INVS: variants seen among roughly 807,000 people sequenced by gnomAD.
INVS encodes the protein inversin, also known as inversion of embryo turning homolog.
In INVS, 86 loss-of-function variants were observed where a neutral mutation model predicts 108.8. That is an observed-to-expected ratio of 0.79 (90% confidence interval 0.66 to 0.95). INVS has a LOEUF of 0.95. Among genes scored for constraint, INVS ranks in the 40% least tolerant of loss-of-function variants. The pLI is 0.00. For missense variants in INVS, 1,169 were observed against 1,297.4 expected (o/e 0.90, Z 1.52); for synonymous variants, 455 against 473.5 (o/e 0.96, Z 0.51).
At position 100,226,172 on chromosome 9, in the gene INVS, G is replaced by A; in HGVS notation, c.384G>A (p.Lys128=). The change falls in exon 4 of 17, where the codon AAG becomes AAA. Residue 128 remains lysine, a synonymous_variant. Coordinates refer to ENST00000262457, the MANE Select transcript of INVS (RefSeq NM_014425.5). Reference sequence around the variant, plus strand: ...TGACCACCCGGCACAGGAGCCCTAAGTGTTTGGCACTTCTGCTGAAGTTTA... The same window carrying A: ...TGACCACCCGGCACAGGAGCCCTAAATGTTTGGCACTTCTGCTGAAGTTTA... ...LHLTTRHRSP[K]CLALLLKFMA... 1 of 1,614,072 alleles carries A rather than the reference G, an allele frequency of 6.2e-7. No homozygotes were observed. The highest frequency in any genetic ancestry group is 8.5e-7 in the Non-Finnish European group (1 of 1,179,994).
intron 5 of INVS, among the ~76,000 whole-genome samples, chr9:100,238,503 ATAGCTGT>A (rs1436526147): frequency 1.3e-5 from 2 of 152,170 alleles, no homozygotes; most frequent in African/African-American, 4.8e-5. Context: ...CCAAACATAT[ATAGCTGT>A]TATCTTTAAA....
intron 5 of INVS, among the ~76,000 whole-genome samples, chr9:100,235,203 TCTTTCCATTTG>T (rs1445121217): frequency 6.6e-6 from 1 of 151,670 alleles, no homozygotes; most frequent in Non-Finnish European, 1.5e-5. Flanking sequence ...TTTTTTTTTT[TCTTTCCATTTG>T]CTTGGTAAAT....
At chr9:100,212,631 G>A (rs779247415) in intron 3 of INVS, among the ~76,000 whole-genome samples, 6 of 150,402 alleles carry the variant, frequency 4.0e-5, no homozygotes, top group Non-Finnish European at 5.9e-5. Flanking sequence ...TTCAGTTGTT[G>A]GTAACACCCT....
rs1018063902 is a variant in INVS at position 100,102,424 on chromosome 9, T to C, written c.-24-2074T>C. The C allele has an allele frequency of 6.6e-5, 10 of 152,230 alleles. 1 individual carries two copies. Among genetic ancestry groups the C allele is most frequent in the Admixed American group, 3.9e-4 (6 of 15,286 alleles). 9.4% of individuals were successfully genotyped at this position (152,230 alleles called of 1,614,324 possible). A position where few individuals can be genotyped will look rare whatever the true frequency, so the allele number is the denominator to read the frequency against. Reference sequence around the variant, plus strand: ...AATATGGTTCATTTTAGTGATACGATGTTCCAAGTAAGATCTTATGGTTAA... The same window carrying C: ...AATATGGTTCATTTTAGTGATACGACGTTCCAAGTAAGATCTTATGGTTAA... On this transcript the variant is annotated intron_variant, in intron 1 of 16. Transcript: ENST00000262457.
At chr9:100,188,577 A>G (rs1830121961) in intron 3 of INVS, among the ~76,000 whole-genome samples, 1 of 147,308 alleles carries the variant, frequency 6.8e-6, no homozygotes, top group African/African-American at 2.5e-5. Context: ...GTTTGCTGGT[A>G]TTTTGCTGAG....
Position 100,100,827 on chromosome 9 carries a change from GTA to G in INVS, c.-25+1418_-25+1419del, listed in dbSNP as rs1169260936. 6.2e-4 allele frequency among the ~76,000 whole-genome samples: 13 copies of G among 20,930 alleles called. 3 individuals carry two copies. The South Asian group carries it at 7.7e-3, about 12-fold the overall frequency. The allele number at this position is 20,930 out of a possible 152,430, so 13.7% of individuals were successfully genotyped here. On this transcript the variant is annotated intron_variant, in intron 1 of 16. Transcript: ENST00000262457. ...TGTATATATAATATATATAATATAT[GTA>G]TATATAATATATATATAATATATGT...
rs146592365 is a variant in INVS at position 100,148,061 on chromosome 9, G to A, written c.273+21512G>A. 6.0e-5 allele frequency among the ~76,000 whole-genome samples: 9 copies of A among 151,082 alleles called. No homozygotes were observed. In the South Asian group the frequency reaches 1.3e-3, roughly 21 times the overall value. ...AAAAAATTTAGCCGGCCATGGCAAC[G>A]TGCACCTGTAATCCCAGCTTCTCAG... On this transcript the variant is annotated intron_variant, in intron 3 of 16. Coordinates refer to ENST00000262457, the MANE Select transcript of INVS (RefSeq NM_014425.5).
In INVS at chr9:100,302,167, C is replaced by A; in HGVS notation, c.*1493C>A. 10 of 1,393,484 alleles carry A rather than the reference C, an allele frequency of 7.2e-6. No individual in the cohort carries two copies. Among genetic ancestry groups the A allele is most frequent in the Non-Finnish European group, 9.8e-6 (10 of 1,015,704 alleles). 86.3% of individuals were successfully genotyped at this position (1,393,484 alleles called of 1,614,324 possible). Reference sequence around the variant, plus strand: ...TAAGATAGATGTGAATAAACAACTTCAAACAGGAGGTACTATGGCCTCTTC... The same window carrying A: ...TAAGATAGATGTGAATAAACAACTTAAAACAGGAGGTACTATGGCCTCTTC... On this transcript the variant is annotated 3_prime_UTR_variant, in exon 17 of 17. Transcript: ENST00000262457.
intron 3 of INVS, among the ~76,000 whole-genome samples, chr9:100,207,643 T>C (rs1830713764): frequency 6.6e-6 from 1 of 152,144 alleles, no homozygotes; most frequent in Non-Finnish European, 1.5e-5. Context: ...CAGTTAGATG[T>C]ATACTTAGAT....
chr9:100,300,865 G>A lies in INVS; in HGVS notation c.*191G>A. On this transcript the variant is annotated 3_prime_UTR_variant, in exon 17 of 17. Coordinates refer to ENST00000262457, the MANE Select transcript of INVS (RefSeq NM_014425.5). ...TTCTGCTCTTACACAGCATTGTTTT[G>A]TCAATCAACACAGCCTGCACTGAAA... The A allele has an allele frequency of 1.6e-6, 1 of 626,312 alleles. No individual in the cohort carries two copies. 38.8% of individuals were successfully genotyped at this position (626,312 alleles called of 1,614,324 possible). A position where few individuals can be genotyped will look rare whatever the true frequency, so the allele number is the denominator to read the frequency against.
At chr9:100,275,892 G>T (rs1474644153) in intron 12 of INVS, among the ~76,000 whole-genome samples, 9 of 152,150 alleles carry the variant, frequency 5.9e-5, no homozygotes, top group Non-Finnish European at 1.0e-4. Flanking sequence ...TTGCCAAAAT[G>T]AACATTACTA....
At chr9:100,209,004 G>A (rs954655585) in intron 3 of INVS, among the ~76,000 whole-genome samples, 4 of 152,106 alleles carry the variant, frequency 2.6e-5, no homozygotes, top group African/African-American at 4.8e-5. Context: ...CTTGCTCACA[G>A]TTATTAATAA....
intron 6 of INVS, among the ~76,000 whole-genome samples, chr9:100,240,599 T>C (rs1459771447): frequency 1.3e-5 from 2 of 152,132 alleles, no homozygotes; most frequent in Non-Finnish European, 2.9e-5. Flanking sequence ...TTTTTCTTTA[T>C]ATTTTCCTGA....
intron 7 of INVS, among the ~76,000 whole-genome samples, chr9:100,243,266 A>C (rs950362500): frequency 1.3e-5 from 2 of 152,142 alleles, no homozygotes; most frequent in African/African-American, 2.4e-5. Flanking sequence ...AGTTTGCTAA[A>C]CTGTATTACC....
chr9:100,284,257 C>T, intron 12 of INVS, 63 bp from the exon 13 acceptor site: 1 of 1,592,544 alleles, frequency 6.3e-7, no homozygotes. Flanking sequence ...TAAACTCACA[C>T]AGAGACTTGA....
intron 2 of INVS, among the ~76,000 whole-genome samples, chr9:100,122,634 A>AGTG (rs958205401): frequency 1.8e-5 from 2 of 113,788 alleles, no homozygotes; most frequent in Non-Finnish European, 1.6e-5. Flanking sequence ...CCCAGGCTGG[A>AGTG]GTGCAGTGGC....
chr9:100,246,119 C>G (rs928015516), intron 7 of INVS, among the ~76,000 whole-genome samples: 1 of 148,826 alleles, frequency 6.7e-6, no homozygotes, highest in Admixed American at 6.7e-5. Flanking sequence ...CACCACTGCA[C>G]TCCAACCTGG....
chr9:100,126,572 A>G (rs1827890879), intron 3 of INVS, 23 bp downstream of exon 3: 2 of 1,611,740 alleles, frequency 1.2e-6, no homozygotes, highest in Non-Finnish European at 1.7e-6. Context: ...ATTTCCTTGA[A>G]GAGTAAATGT....
At chr9:100,186,580 T>C (rs981730891) in intron 3 of INVS, among the ~76,000 whole-genome samples, 7 of 152,220 alleles carry the variant, frequency 4.6e-5, no homozygotes, top group African/African-American at 1.7e-4. Context: ...ATGGTGATAT[T>C]ATCTCATTGT....
Sources: allele counts gnomAD v4.1 joint callset (sites outside exome capture counted in the v4.1 genomes callset), GRCh38; gene constraint gnomAD v4.1.1; transcripts MANE v1.5; gene names NCBI Gene and HGNC (gene_info 2026-07-23, HGNC 2026-07-21).